The following TCF4 variants were observed in gnomAD, a reference collection of about 807,000 sequenced individuals.
TCF4 encodes the protein SL3-3 enhancer factor 2.
TCF4 carries 3 observed loss-of-function variants against 82.1 expected under a neutral mutation model. The observed-to-expected ratio is 0.04, with a 90% CI of 0.02 to 0.09. The LOEUF is 0.09. Among genes scored for constraint, TCF4 ranks in the 10% least tolerant of loss-of-function variants. The pLI, the probability that TCF4 is intolerant of heterozygous loss-of-function variation, is 1.00. For synonymous variants in TCF4, 276 were observed against 309.6 expected (o/e 0.89, Z 1.14); for missense variants, 518 against 852.7 (o/e 0.61, Z 4.89).
chr18:55,447,768 C>T (rs2095551331), intron 5 of TCF4, among the ~76,000 whole-genome samples: 1 of 152,094 alleles, frequency 6.6e-6, no homozygotes, highest in Admixed American at 6.5e-5. Flanking sequence ...ATATCATTTG[C>T]CCTTTCCCTC....
chr18:55,267,379 C>T (rs2059417763), intron 11 of TCF4: 1 of 152,092 alleles, frequency 6.6e-6, no homozygotes, highest in African/African-American at 2.4e-5. Flanking sequence ...GTATCACTAA[C>T]ATCAGAAGAG....
intron 3 of TCF4, among the ~76,000 whole-genome samples, chr18:55,565,939 C>T (rs956247131): frequency 9.2e-5 from 14 of 151,506 alleles, no homozygotes; most frequent in East Asian, 3.9e-4. Flanking sequence ...CGGTGGCTCA[C>T]GCCTGTAATC....
chr18:55,332,513 T>A (rs1273616584), intron 8 of TCF4, among the ~76,000 whole-genome samples: 1 of 152,136 alleles, frequency 6.6e-6, no homozygotes, highest in East Asian at 1.9e-4. Flanking sequence ...TTTTTAAGAG[T>A]CATATAAGCT....
intron 5 of TCF4, among the ~76,000 whole-genome samples, chr18:55,414,101 A>T (rs2094447015): frequency 6.6e-6 from 1 of 152,242 alleles, no homozygotes; most frequent in African/African-American, 2.4e-5. Flanking sequence ...ATTGAAGACA[A>T]GGTGGTAACA....
chr18:55,621,846 ATG>A (rs566488488), intron 2 of TCF4, among the ~76,000 whole-genome samples: 1,996 of 26,688 alleles, frequency 0.075, 88 homozygotes, highest in African/African-American at 0.11. Context: ...ACTATATACA[ATG>A]TATGTATTAT....
intron 8 of TCF4, among the ~76,000 whole-genome samples, chr18:55,327,145 T>C (rs1384361158): frequency 1.3e-5 from 2 of 152,186 alleles, no homozygotes; most frequent in Non-Finnish European, 2.9e-5. Flanking sequence ...GTTTTCTTAT[T>C]AAGCAATTAA....
chr18:55,588,121 C>G lies in TCF4; in HGVS notation c.-104G>C. The G allele has an allele frequency of 9.6e-7, 1 of 1,046,130 alleles. No individual in the cohort carries two copies. Among genetic ancestry groups the G allele is most frequent in the Non-Finnish European group, 1.1e-6 (1 of 874,820 alleles). The allele number at this position is 1,046,130 out of a possible 1,614,324, so 64.8% of individuals were successfully genotyped here. A position where few individuals can be genotyped will look rare whatever the true frequency, so the allele number is the denominator to read the frequency against. On this transcript the variant is annotated 5_prime_UTR_variant, in exon 1 of 20. Coordinates refer to ENST00000354452, the MANE Select transcript of TCF4 (RefSeq NM_001083962.2). ...CTAACCGCCGCCGCCACCGCCGCCG[C>G]CTGCTCCTGCGCCCGCTCCCGCGCC...
intron 8 of TCF4, among the ~76,000 whole-genome samples, chr18:55,287,277 C>T (rs2063906670): frequency 6.6e-6 from 1 of 152,168 alleles, no homozygotes; most frequent in African/African-American, 2.4e-5. Flanking sequence ...AGAACACAAA[C>T]CACTTCAAGT....
At chr18:55,589,963 T>C (rs1455824258), upstream of TCF4, 3 of 442,390 alleles carry the variant, frequency 6.8e-6, no homozygotes, top group Non-Finnish European at 9.0e-6. Flanking sequence ...CGGAGGCGGG[T>C]GGCTGTTCTC....
At chr18:55,405,455 A>C (rs2094038339) in intron 5 of TCF4, among the ~76,000 whole-genome samples, 1 of 152,164 alleles carries the variant, frequency 6.6e-6, no homozygotes. Flanking sequence ...AATTTCTAAA[A>C]ATCCAAATTG....
chr18:55,514,283 C>T lies in TCF4; in HGVS notation c.146-50146G>A, dbSNP rs146127728. ...TGCAATAACAGGACTATTGTGGCATCGAGCAACATGGTCTCCAAGTTTACT... is the reference window on the plus strand; with the variant it reads ...TGCAATAACAGGACTATTGTGGCATTGAGCAACATGGTCTCCAAGTTTACT... On this transcript the variant is annotated intron_variant, in intron 3 of 19. Coordinates refer to ENST00000354452, the MANE Select transcript of TCF4 (RefSeq NM_001083962.2). 2.0e-5 allele frequency among the ~76,000 whole-genome samples: 3 copies of T among 152,168 alleles called. No individual in the cohort carries two copies. In the East Asian group the frequency reaches 5.8e-4, roughly 29 times the overall value.
chr18:55,378,575 T>A (rs1282025910), intron 6 of TCF4, among the ~76,000 whole-genome samples: 1 of 152,192 alleles, frequency 6.6e-6, no homozygotes, highest in African/African-American at 2.4e-5. Context: ...AGGCTAGCCA[T>A]GTGACTAGTG....
At chr18:55,467,811 C>T (rs750697511) in intron 3 of TCF4, among the ~76,000 whole-genome samples, 2 of 152,180 alleles carry the variant, frequency 1.3e-5, no homozygotes, top group Non-Finnish European at 2.9e-5. Flanking sequence ...CTGTTCCTCA[C>T]CTCTCAAAGA....
intron 3 of TCF4, among the ~76,000 whole-genome samples, chr18:55,483,871 GT>G (rs750349758): frequency 2.8e-4 from 42 of 152,298 alleles, no homozygotes; most frequent in Non-Finnish European, 4.3e-4. Flanking sequence ...AATATTTAAA[GT>G]TCTGCTTCAT....
At chr18:55,596,179 G>A (rs1207762398) in intron 2 of TCF4, 1 of 413,104 alleles carries the variant, frequency 2.4e-6, no homozygotes, top group South Asian at 1.7e-5. Flanking sequence ...GCAGTGAGCT[G>A]AGATGGTGCC....
At chr18:55,474,206 G>A (rs1012772420) in intron 3 of TCF4, among the ~76,000 whole-genome samples, 12 of 152,052 alleles carry the variant, frequency 7.9e-5, no homozygotes, top group African/African-American at 1.7e-4. Context: ...CTTGGATCAC[G>A]GGAAAATCTA....
intron 3 of TCF4, among the ~76,000 whole-genome samples, chr18:55,477,712 T>C (rs1015345070): frequency 3.9e-5 from 6 of 152,178 alleles, no homozygotes; most frequent in Admixed American, 6.5e-5. Context: ...TTCCCTTACT[T>C]TCACTTTCAG....
At chr18:55,398,065 T>C (rs943977615) in intron 6 of TCF4, among the ~76,000 whole-genome samples, 3 of 152,184 alleles carry the variant, frequency 2.0e-5, no homozygotes, top group East Asian at 1.9e-4. Context: ...CTGGTGGGGA[T>C]AGAAGGGAAG....
chr18:55,619,315 T>C (rs1311612510), intron 2 of TCF4, among the ~76,000 whole-genome samples: 1 of 152,182 alleles, frequency 6.6e-6, no homozygotes, highest in Admixed American at 6.5e-5. Flanking sequence ...CTTGCCAAAA[T>C]TATTGGCACA....
Sources: gnomAD v4.1 joint callset for allele counts (sites outside exome capture counted in the v4.1 genomes callset) on GRCh38, gnomAD v4.1.1 for gene constraint, MANE v1.5 for transcripts, NCBI Gene and HGNC (gene_info 2026-07-23, HGNC 2026-07-21) for gene names.